The following MYC variants were observed in gnomAD, a reference collection of about 807,000 sequenced individuals.
MYC encodes MYC proto-oncogene, bHLH transcription factor.
A neutral mutation model predicts 30.5 loss-of-function variants in MYC; 1 was observed. That is an observed-to-expected ratio of 0.03 (90% CI 0.01 to 0.16). The LOEUF is 0.16. MYC is among the 10% of genes least tolerant of loss of function. MYC has a pLI of 1.00. For synonymous variants in MYC, 267 were observed against 250.7 expected, an observed-to-expected ratio of 1.07 and a Z score of -0.62; for missense variants, 508 against 589.0, an observed-to-expected ratio of 0.86 and a Z score of 1.42.
In MYC at chr8:127,742,375, G is replaced by A. The variant is rs562389011; in HGVS notation, c.*1417G>A. ...AACCTGTCCAAGCCACCTCTCAGAC[G>A]ACGGTAGGAATCAGCTGGCTGCTTG... On this transcript the variant is annotated 3_prime_UTR_variant, in exon 3 of 3. Transcript: ENST00000621592. Among the ~76,000 whole-genome samples, 3 of 152,368 alleles carry A rather than the reference G, an allele frequency of 2.0e-5. No individual in the cohort carries two copies. The highest frequency in any genetic ancestry group is 6.5e-5 in the Admixed American group (1 of 15,302).
At chr8:127,736,071 C>A (rs1030529319), upstream of MYC, 2 of 411,028 alleles carry the variant, frequency 4.9e-6, no homozygotes, top group African/African-American at 4.1e-5. Context: ...CGGCTGAGGA[C>A]CCCCGAGCTG....
upstream of MYC, chr8:127,736,147 C>G: frequency 2.2e-6 from 1 of 450,916 alleles, no homozygotes; most frequent in South Asian, 6.5e-5. Flanking sequence ...TCGAGAAGGG[C>G]AGGGCTTCTC....
rs1196809999 is a variant in MYC at position 127,742,514 on chromosome 8, C to T, written c.*1556C>T. 6.6e-6 allele frequency among the ~76,000 whole-genome samples: 1 copy of T among 152,124 alleles called. No homozygotes were observed. The highest frequency in any genetic ancestry group is 1.5e-5 in the Non-Finnish European group (1 of 68,006). ...TTTATTTTGTTTTTATTTTGTTGTTCATTGTTTAATTTTTCCTTTTACAAT... is the reference window on the plus strand; with the variant it reads ...TTTATTTTGTTTTTATTTTGTTGTTTATTGTTTAATTTTTCCTTTTACAAT... On this transcript the variant is annotated 3_prime_UTR_variant, in exon 3 of 3. Coordinates refer to ENST00000621592, the MANE Select transcript of MYC (RefSeq NM_002467.6).
At position 127,738,502 on chromosome 8, in the gene MYC, C is replaced by T; in HGVS notation, c.285C>T (p.Phe95=). 3 of 1,609,362 alleles carry T rather than the reference C, an allele frequency of 1.9e-6. No individual in the cohort carries two copies. The highest frequency in any genetic ancestry group is 2.5e-6 in the Non-Finnish European group (3 of 1,177,200). ...CCTCCTACGTTGCGGTCACACCCTTCTCCCTTCGGGGAGACAACGACGGCG... is the reference window on the plus strand; with the variant it reads ...CCTCCTACGTTGCGGTCACACCCTTTTCCCTTCGGGGAGACAACGACGGCG... The change falls in exon 2 of 3, where the codon TTC becomes TTT. Residue 95 remains phenylalanine, a synonymous_variant. Transcript: ENST00000621592. This position sits in a 1 kb window ranked among gnomAD's most constrained non-coding sequence, Gnocchi z 7.6.
At chr8:127,740,361 T>C (rs1403405919) in intron 2 of MYC, 35 bp from the exon 3 acceptor site, 2 of 1,586,372 alleles carry the variant, frequency 1.3e-6, no homozygotes, top group Non-Finnish European at 8.6e-7. Context: ...AATGTAACCT[T>C]GCTAAAGGAG....
In MYC at chr8:127,742,492, A is replaced by G. The variant is rs1476638471; in HGVS notation, c.*1534A>G. Among the ~76,000 whole-genome samples the G allele has an allele frequency of 2.0e-5, 3 of 150,472 alleles. No individual in the cohort carries two copies. The highest frequency in any genetic ancestry group is 3.0e-5 in the Non-Finnish European group (2 of 66,876). ...ATCAGTTCCCCTTTTTTTGTGATTT[A>G]TTTTGTTTTTATTTTGTTGTTCATT... On this transcript the variant is annotated 3_prime_UTR_variant, in exon 3 of 3. Transcript: ENST00000621592.
At chr8:127,739,871 A>T (rs185260785) in intron 2 of MYC, among the ~76,000 whole-genome samples, 3 of 151,624 alleles carry the variant, frequency 2.0e-5, no homozygotes, top group Admixed American at 2.0e-4. Flanking sequence ...GGGAAGTTGC[A>T]CTTTTCTTGT....
chr8:127,740,912 A>T lies in MYC; in HGVS notation c.1319A>T (p.Glu440Val), dbSNP rs750651389. ...GAGGACTTGTTGCGGAAACGACGAG[A>T]ACAGTTGAAACACAAACTTGAACAG... The change falls in exon 3 of 3, where the codon GAA becomes GTA. Residue 440 changes from glutamate to valine, a missense_variant. By Grantham distance (121) the Glu-to-Val change is moderately radical (BLOSUM62 -2). Transcript: ENST00000621592. 1.4e-5 allele frequency: 22 copies of T among 1,596,962 alleles called. No homozygotes were observed. The highest frequency in any genetic ancestry group is 1.9e-5 in the Non-Finnish European group (22 of 1,174,202).
rs1813695579 is a variant in MYC, at chr8:127,740,643, G to T, written c.1050G>T (p.Gln350His). ...TGGACAGTGTCAGAGTCCTGAGACAGATCAGCAACAACCGAAAATGCACCA... is the reference window on the plus strand; with the variant it reads ...TGGACAGTGTCAGAGTCCTGAGACATATCAGCAACAACCGAAAATGCACCA... The change falls in exon 3 of 3, where the codon CAG (glutamine) becomes CAT (histidine). Residue 350 changes from glutamine to histidine, a missense_variant. Gln to His is a conservative substitution (Grantham distance 24, BLOSUM62 0). This residue lies in a region of MYC where 364 missense variants were observed against 381.1 expected (regional missense o/e 0.96). Transcript: ENST00000621592. The T allele has an allele frequency of 6.2e-7, 1 of 1,614,008 alleles. No individual in the cohort carries two copies. The highest frequency in any genetic ancestry group is 8.5e-7 in the Non-Finnish European group (1 of 1,180,044).
Position 127,736,522 on chromosome 8 carries a change from C to T in MYC, c.-72C>T. 1.3e-6 allele frequency: 2 copies of T among 1,558,518 alleles called. No individual in the cohort carries two copies. The highest frequency in any genetic ancestry group is 1.8e-6 in the Non-Finnish European group (2 of 1,132,486). On this transcript the variant is annotated 5_prime_UTR_variant, in exon 1 of 3. Coordinates refer to ENST00000621592, the MANE Select transcript of MYC (RefSeq NM_002467.6). ...CCCGACGCGGGGAGGCTATTCTGCC[C>T]ATTTGGGGACACTTCCCCGCCGCTG...
In MYC at chr8:127,738,245, C is replaced by T. The variant is rs1406733017; in HGVS notation, c.31-3C>T. The T allele has an allele frequency of 4.4e-6, 7 of 1,578,088 alleles. No homozygotes were observed. ...GCCTCCCGCTTTGTGTGCCCCGCTC[C>T]AGCAGCCTCCCGCGACGATGCCCCT... On this transcript the variant is annotated splice_polypyrimidine_tract_variant and splice_region_variant and intron_variant, in intron 1 of 2. Coordinates refer to ENST00000621592, the MANE Select transcript of MYC (RefSeq NM_002467.6). The surrounding 1 kb of genome is among the most constrained non-coding windows in gnomAD (Gnocchi z 7.6).
At chr8:127,735,752 G>A, upstream of MYC, 1 of 399,208 alleles carries the variant, frequency 2.5e-6, no homozygotes, top group Non-Finnish European at 4.4e-6. Context: ...ATACTCACAG[G>A]ACAAGGATGC....
chr8:127,736,393 A>G lies in MYC; in HGVS notation c.-201A>G, dbSNP rs1813589876. On this transcript the variant is annotated 5_prime_UTR_variant, in exon 1 of 3. Transcript: ENST00000621592. ...GGCCCAGCCCTCCCGCTGATCCCCC[A>G]GCCAGCGGTCCGCAACCCTTGCCGC... The G allele has an allele frequency of 1.6e-6, 1 of 619,930 alleles. No homozygotes were observed. Among genetic ancestry groups the G allele is most frequent in the Middle Eastern group, 4.3e-4 (1 of 2,320 alleles). 38.4% of individuals were successfully genotyped at this position (619,930 alleles called of 1,614,324 possible).
chr8:127,735,919 T>TCCTCCCCACCTTCCCCAC, upstream of MYC: 1 of 399,094 alleles, frequency 2.5e-6, no homozygotes, highest in Non-Finnish European at 4.4e-6. Flanking sequence ...CGGCTGAGTC[T>TCCTCCCCACCTTCCCCAC]CCTCCCCACC....
Position 127,740,466 on chromosome 8 carries a change from G to A in MYC, c.873G>A (p.Arg291=), listed in dbSNP as rs1813691182. 1.2e-6 allele frequency: 2 copies of A among 1,613,968 alleles called. No homozygotes were observed. Among genetic ancestry groups the A allele is most frequent in the Admixed American group, 3.3e-5 (2 of 59,994 alleles). ...AAAAGAGGCAGGCTCCTGGCAAAAG[G>A]TCAGAGTCTGGATCACCTTCTGCTG... Residue 291 remains arginine, a synonymous_variant, in exon 3 of 3, where the codon AGG becomes AGA. Transcript: ENST00000621592.
At chr8:127,736,676 C>T (rs1563756955) in intron 1 of MYC, 53 bp downstream of exon 1, 2 of 1,582,502 alleles carry the variant, frequency 1.3e-6, no homozygotes, top group Admixed American at 1.7e-5. Flanking sequence ...CACTTTAATG[C>T]TGAGATGAGT....
At chr8:127,735,931 T>TAGCCCC, upstream of MYC, 1 of 386,802 alleles carries the variant, frequency 2.6e-6, no homozygotes, top group Non-Finnish European at 4.5e-6. Flanking sequence ...CTCCCCACCT[T>TAGCCCC]CCCCACCCTC....
At position 127,741,503 on chromosome 8, in the gene MYC, G is replaced by C. The variant is rs148188362; in HGVS notation, c.*545G>C. Reference sequence around the variant, plus strand: ...CCATCCCTGTTTGTTTTCATCAATTGCCCCTTCAGAGGGTGGTCTTAAGAA... The same window carrying C: ...CCATCCCTGTTTGTTTTCATCAATTCCCCCTTCAGAGGGTGGTCTTAAGAA... On this transcript the variant is annotated 3_prime_UTR_variant, in exon 3 of 3. Transcript: ENST00000621592. 112 of 195,912 alleles carry C rather than the reference G, an allele frequency of 5.7e-4. 1 individual carries two copies. Among genetic ancestry groups the C allele is most frequent in the African/African-American group, 2.3e-3 (100 of 43,602 alleles). The allele number at this position is 195,912 out of a possible 1,614,324, so 12.1% of individuals were successfully genotyped here.
In MYC at chr8:127,740,967, A is replaced by G. The variant is rs200447778; in HGVS notation, c.*9A>G. On this transcript the variant is annotated 3_prime_UTR_variant, in exon 3 of 3. Transcript: ENST00000621592. ...GGAACTCTTGTGCGTAAGGAAAAGTAAGGAAAACGATTCCTTCTAACAGAA... is the reference window on the plus strand; with the variant it reads ...GGAACTCTTGTGCGTAAGGAAAAGTGAGGAAAACGATTCCTTCTAACAGAA... 13 of 1,537,102 alleles carry G rather than the reference A, an allele frequency of 8.5e-6. No homozygotes were observed. The highest frequency in any genetic ancestry group is 1.0e-5 in the Non-Finnish European group (12 of 1,147,562).
Sources: allele counts gnomAD v4.1 joint callset (sites outside exome capture counted in the v4.1 genomes callset), GRCh38; gene constraint gnomAD v4.1.1; regional missense constraint gnomAD v4.1.1; non-coding constraint Gnocchi (gnomAD v3.1); transcripts MANE v1.5; gene names NCBI Gene and HGNC (gene_info 2026-07-23, HGNC 2026-07-21).